Variants in PRICKLE1 observed in about 807,000 individuals in gnomAD.
PRICKLE1 encodes prickle-like protein 1.
PRICKLE1 carries 14 observed loss-of-function variants against 70.2 expected under a neutral mutation model. The observed-to-expected ratio is 0.20, with a 90% CI of 0.13 to 0.31. The LOEUF (loss-of-function observed/expected upper bound fraction) is 0.31. PRICKLE1 is among the 10% of genes least tolerant of loss of function. PRICKLE1 has a pLI of 1.00. For synonymous variants in PRICKLE1, 357 were observed against 379.9 expected, an observed-to-expected ratio of 0.94 and a Z score of 0.70; for missense variants, 821 against 1,026.2, an observed-to-expected ratio of 0.80 and a Z score of 2.73.
chr12:42,469,637 C>T (rs373089223), intron 3 of PRICKLE1, 50 bp from the exon 4 acceptor site: 1 of 1,610,874 alleles, frequency 6.2e-7, no homozygotes, highest in Non-Finnish European at 8.5e-7. Context: ...CAGTCTTTCT[C>T]ACCAGTTCTC....
At chr12:42,495,332 T>C (rs1939177488) in intron 1 of PRICKLE1, among the ~76,000 whole-genome samples, 1 of 149,104 alleles carries the variant, frequency 6.7e-6, no homozygotes, top group Non-Finnish European at 1.5e-5. Flanking sequence ...GTCACTGAGA[T>C]TGTGCCACCA....
chr12:42,527,128 CTTTTTTTTTTT>C (rs386376309), intron 1 of PRICKLE1, among the ~76,000 whole-genome samples: 1 of 100,776 alleles, frequency 9.9e-6, no homozygotes, highest in Non-Finnish European at 1.8e-5. Context: ...TTTTTTTCCT[CTTTTTTTTTTT>C]TTTTTTTTTT....
intron 1 of PRICKLE1, among the ~76,000 whole-genome samples, chr12:42,566,479 T>C (rs555659641): frequency 6.6e-6 from 1 of 152,238 alleles, no homozygotes; most frequent in Non-Finnish European, 1.5e-5. Context: ...AGCAAGCTGG[T>C]AGAGTGGACC....
intron 1 of PRICKLE1, among the ~76,000 whole-genome samples, chr12:42,569,782 G>A (rs1566130944): frequency 6.6e-6 from 1 of 152,136 alleles, no homozygotes; most frequent in Non-Finnish European, 1.5e-5. Flanking sequence ...CATCAATAAT[G>A]GCAACATATC....
chr12:42,494,027 C>G (rs1294482085), intron 1 of PRICKLE1, among the ~76,000 whole-genome samples: 2 of 152,186 alleles, frequency 1.3e-5, no homozygotes, highest in Non-Finnish European at 2.9e-5. Flanking sequence ...GTTATGTTTA[C>G]ACTACACTAT....
intron 1 of PRICKLE1, among the ~76,000 whole-genome samples, chr12:42,551,811 A>G (rs1317163722): frequency 6.6e-6 from 1 of 152,212 alleles, no homozygotes; most frequent in East Asian, 1.9e-4. Flanking sequence ...AGCAGACACC[A>G]TATAGTTATG....
At chr12:42,503,786 C>T (rs900465267) in intron 1 of PRICKLE1, among the ~76,000 whole-genome samples, 16 of 152,180 alleles carry the variant, frequency 1.1e-4, no homozygotes, top group Non-Finnish European at 2.2e-4. Flanking sequence ...CTTCTTTATA[C>T]CTTTTCCAAC....
chr12:42,482,241 A>G (rs1246497331), intron 1 of PRICKLE1, among the ~76,000 whole-genome samples: 1 of 152,254 alleles, frequency 6.6e-6, no homozygotes, highest in Non-Finnish European at 1.5e-5. Flanking sequence ...ACATTCCATG[A>G]CAGTAAGAAA....
chr12:42,498,155 C>G (rs1939240875), intron 1 of PRICKLE1, among the ~76,000 whole-genome samples: 1 of 146,448 alleles, frequency 6.8e-6, no homozygotes, highest in Non-Finnish European at 1.5e-5. Flanking sequence ...GTCTCATTTT[C>G]TTTTTTTCTT....
chr12:42,544,892 T>C lies in PRICKLE1; in HGVS notation c.-49+44573A>G, dbSNP rs970691151. ...AGTTGATTTTACAACTTGAGTCTGGTCTGACCTCCTGTTATCACATATGAG... is the reference window on the plus strand; with the variant it reads ...AGTTGATTTTACAACTTGAGTCTGGCCTGACCTCCTGTTATCACATATGAG... On this transcript the variant is annotated intron_variant, in intron 1 of 7. Coordinates refer to ENST00000345127, the MANE Select transcript of PRICKLE1 (RefSeq NM_153026.3). Among the ~76,000 whole-genome samples, 7 of 152,298 alleles carry C rather than the reference T, an allele frequency of 4.6e-5. No individual in the cohort carries two copies. The South Asian group carries it at 6.2e-4, about 14-fold the overall frequency.
chr12:42,558,644 T>G (rs1338095953), intron 1 of PRICKLE1, among the ~76,000 whole-genome samples: 1 of 152,232 alleles, frequency 6.6e-6, no homozygotes, highest in Non-Finnish European at 1.5e-5. Context: ...TTTGAGCTAC[T>G]AAACTACAAA....
At chr12:42,475,708 G>C (rs115299298) in intron 1 of PRICKLE1, among the ~76,000 whole-genome samples, 1 of 152,110 alleles carries the variant, frequency 6.6e-6, no homozygotes, top group African/African-American at 2.4e-5. Flanking sequence ...ATTCACTGAC[G>C]AAAGTTTTTC....
At chr12:42,544,987 A>AT (rs11332599) in intron 1 of PRICKLE1, among the ~76,000 whole-genome samples, 4 of 144,780 alleles carry the variant, frequency 2.8e-5, no homozygotes, top group Non-Finnish European at 6.1e-5. Context: ...ACCACGCTGA[A>AT]TTTTTTTTTT....
At chr12:42,523,189 G>T (rs561084123) in intron 1 of PRICKLE1, among the ~76,000 whole-genome samples, 16 of 152,068 alleles carry the variant, frequency 1.1e-4, no homozygotes, top group African/African-American at 3.6e-4. Context: ...GGATGGTCTC[G>T]AACTCCTGAC....
intron 1 of PRICKLE1, among the ~76,000 whole-genome samples, chr12:42,547,056 C>A (rs1940228041): frequency 1.3e-5 from 2 of 152,210 alleles, no homozygotes; most frequent in African/African-American, 4.8e-5. Flanking sequence ...AGTATTCATG[C>A]ATTCTCACTA....
At chr12:42,557,005 A>T (rs1249227703) in intron 1 of PRICKLE1, among the ~76,000 whole-genome samples, 145 of 149,088 alleles carry the variant, frequency 9.7e-4, no homozygotes, top group African/African-American at 3.3e-3. Context: ...TTTTTTTTTT[A>T]AAGAGGCAGG....
At chr12:42,542,799 T>C (rs1318605730) in intron 1 of PRICKLE1, among the ~76,000 whole-genome samples, 1 of 152,242 alleles carries the variant, frequency 6.6e-6, no homozygotes, top group Non-Finnish European at 1.5e-5. Context: ...ATTCAAGATT[T>C]GGTTGTTTAC....
chr12:42,461,766 G>T (rs1937845125), intron 7 of PRICKLE1, among the ~76,000 whole-genome samples: 1 of 152,186 alleles, frequency 6.6e-6, no homozygotes. Flanking sequence ...TATAGACAAA[G>T]TGATACTGTT....
At chr12:42,493,662 A>G (rs1939143549) in intron 1 of PRICKLE1, among the ~76,000 whole-genome samples, 1 of 152,092 alleles carries the variant, frequency 6.6e-6, no homozygotes, top group South Asian at 2.1e-4. Context: ...CTTCTTGCCT[A>G]TCATCATTCA....
Sources: allele counts gnomAD v4.1 joint callset (sites outside exome capture counted in the v4.1 genomes callset), GRCh38; gene constraint gnomAD v4.1.1; transcripts MANE v1.5; gene names NCBI Gene and HGNC (gene_info 2026-07-23, HGNC 2026-07-21).